The following RABL3 variants were observed in gnomAD, a reference collection of about 807,000 sequenced individuals.
The protein encoded by RABL3 is rab-like protein 3.
In RABL3, 31 loss-of-function variants were observed where a neutral mutation model predicts 31.8. The ratio of observed to expected loss-of-function variants is 0.97; its 90% CI spans 0.73 to 1.31. RABL3 has a LOEUF of 1.31. RABL3 is among the 40% of genes most tolerant of loss of function. The pLI is 0.00. For missense variants in RABL3, 263 were observed against 279.6 expected (o/e 0.94, Z 0.42); for synonymous variants, 97 against 99.9 (o/e 0.97, Z 0.18).
intron 5 of RABL3, 28 bp downstream of exon 5, chr3:120,698,395 A>G: frequency 6.3e-7 from 1 of 1,587,632 alleles, no homozygotes; most frequent in Non-Finnish European, 8.6e-7. Context: ...CGATAATAAT[A>G]CAAGCATGCA....
Position 120,721,396 on chromosome 3 carries a change from T to G in RABL3, c.138+9300A>C, listed in dbSNP as rs530957954. 7.2e-5 allele frequency among the ~76,000 whole-genome samples: 11 copies of G among 151,900 alleles called. No homozygotes were observed. In the South Asian group the frequency reaches 2.3e-3, roughly 32 times the overall value. On this transcript the variant is annotated intron_variant, in intron 2 of 7. Transcript: ENST00000273375. ...AATTAAAAGACACAGACTGGCAAAT[T>G]GTCAAGACCCATCAGTGTGCTGTAT... is the stretch of plus-strand genomic sequence containing the variant.
At chr3:120,742,430 C>T (rs781259451) in intron 1 of RABL3, 32 bp downstream of exon 1, 2 of 1,610,006 alleles carry the variant, frequency 1.2e-6, no homozygotes, top group African/African-American at 1.3e-5. Context: ...TCAAAAGTGT[C>T]TGGAGCCCCA....
intron 1 of RABL3, among the ~76,000 whole-genome samples, chr3:120,738,088 T>C (rs565360477): frequency 1.3e-5 from 2 of 152,334 alleles, no homozygotes; most frequent in East Asian, 3.9e-4. Context: ...TTTCAGGCTA[T>C]GCCCTGCCCT....
In RABL3 at chr3:120,685,653, G is replaced by A. The variant is rs1395123901; in HGVS notation, c.*4170C>T. ...GCTTTGAGTGGGGAGGAGTGGATCA[G>A]TTCATTAAGGTGAGATCAGGTTGAG... On this transcript the variant is annotated 3_prime_UTR_variant, in exon 8 of 8. Transcript: ENST00000273375. Among the ~76,000 whole-genome samples, 1 of 152,206 alleles carries A rather than the reference G, an allele frequency of 6.6e-6. No homozygotes were observed. Among genetic ancestry groups the A allele is most frequent in the Non-Finnish European group, 1.5e-5 (1 of 68,034 alleles).
At position 120,685,050 on chromosome 3, in the gene RABL3, A is replaced by C. The variant is rs754271803; in HGVS notation, c.*4773T>G. ...TAGTGTAAGTGCTCTGACAGGAAAG[A>C]GCCCAGGGATCTAGGGGAAGCACTA... is the stretch of plus-strand genomic sequence containing the variant. On this transcript the variant is annotated 3_prime_UTR_variant, in exon 8 of 8. Coordinates refer to ENST00000273375, the MANE Select transcript of RABL3 (RefSeq NM_173825.5). 2.0e-5 allele frequency among the ~76,000 whole-genome samples: 3 copies of C among 152,252 alleles called. No homozygotes were observed. The highest frequency in any genetic ancestry group is 4.4e-5 in the Non-Finnish European group (3 of 68,044).
chr3:120,718,128 G>A (rs1457513274), intron 2 of RABL3, among the ~76,000 whole-genome samples: 3 of 151,878 alleles, frequency 2.0e-5, no homozygotes, highest in Admixed American at 1.3e-4. Context: ...CTTTTCTCCT[G>A]GAATCTTACT....
At position 120,706,083 on chromosome 3, in the gene RABL3, C is replaced by T; in HGVS notation, c.300G>A (p.Lys100=). 2 of 1,613,174 alleles carry T rather than the reference C, an allele frequency of 1.2e-6. No individual in the cohort carries two copies. The highest frequency in any genetic ancestry group is 1.3e-5 in the African/African-American group (1 of 75,040). The change falls in exon 4 of 8, where the codon AAG becomes AAA. Residue 100 remains lysine, a synonymous_variant. Transcript: ENST00000273375. ...AACGACGCAAGTTTTGGGAGGACTT[C>T]TTATTTGTTAAGTCGTGTACGAAAA... ...GIIFVHDLTN[K]KSSQNLRRWS...
chr3:120,688,026 A>AT lies in RABL3; in HGVS notation c.*1796dup, dbSNP rs1481826112. On this transcript the variant is annotated 3_prime_UTR_variant, in exon 8 of 8. Transcript: ENST00000273375. ...TGGCCAGGCTGGTCTCAAACTCCTG[A>AT]TATCAAGTGATCGACCCGCCTCCCA... 1.3e-5 allele frequency: 2 copies of AT among 152,064 alleles called. No individual in the cohort carries two copies. Among genetic ancestry groups the AT allele is most frequent in the Non-Finnish European group, 2.9e-5 (2 of 68,024 alleles). 9.4% of individuals were successfully genotyped at this position (152,064 alleles called of 1,614,324 possible). A position where few individuals can be genotyped will look rare whatever the true frequency, so the allele number is the denominator to read the frequency against.
intron 1 of RABL3, among the ~76,000 whole-genome samples, chr3:120,733,412 T>C (rs1708912708): frequency 6.6e-6 from 1 of 151,962 alleles, no homozygotes; most frequent in Admixed American, 6.6e-5. Context: ...ATGGGGTTGT[T>C]TTTTTCTTGT....
Position 120,721,173 on chromosome 3 carries a change from T to C in RABL3, c.138+9523A>G, listed in dbSNP as rs557444280. Among the ~76,000 whole-genome samples the C allele has an allele frequency of 6.8e-4, 103 of 150,552 alleles. 2 individuals are homozygous for C. In the South Asian group the frequency reaches 0.02, roughly 30 times the overall value. On this transcript the variant is annotated intron_variant, in intron 2 of 7. Coordinates refer to ENST00000273375, the MANE Select transcript of RABL3 (RefSeq NM_173825.5). ...CACCACCAGGCCTGCCCTAAAAGAG[T>C]TCCTGAAGGAAGCACTAAATATGGA...
At chr3:120,691,567 G>A (rs150789001) in intron 6 of RABL3, among the ~76,000 whole-genome samples, 4 of 152,300 alleles carry the variant, frequency 2.6e-5, no homozygotes, top group African/African-American at 9.6e-5. Context: ...TTTAAGGAAG[G>A]CTAGGCTAAG....
At chr3:120,738,972 C>G (rs973691976) in intron 1 of RABL3, among the ~76,000 whole-genome samples, 3 of 152,270 alleles carry the variant, frequency 2.0e-5, no homozygotes, top group Non-Finnish European at 4.4e-5. Context: ...TGAGAAATAA[C>G]TTTCATGGGG....
chr3:120,714,046 G>A (rs1013344398), intron 2 of RABL3, among the ~76,000 whole-genome samples: 1 of 152,156 alleles, frequency 6.6e-6, no homozygotes, highest in Non-Finnish European at 1.5e-5. Flanking sequence ...TCCTGACCTT[G>A]TGATCCGCCT....
At chr3:120,710,154 C>A (rs1468700134) in intron 2 of RABL3, among the ~76,000 whole-genome samples, 4 of 152,008 alleles carry the variant, frequency 2.6e-5, no homozygotes, top group Non-Finnish European at 2.9e-5. Flanking sequence ...CCTAACTAAG[C>A]ATAAATTTCA....
At chr3:120,736,503 C>G (rs966624802) in intron 1 of RABL3, among the ~76,000 whole-genome samples, 8 of 152,168 alleles carry the variant, frequency 5.3e-5, no homozygotes, top group African/African-American at 1.9e-4. Flanking sequence ...GCCAGTCTGT[C>G]TTTTAATTGG....
intron 2 of RABL3, among the ~76,000 whole-genome samples, chr3:120,725,067 T>A (rs1708800752): frequency 6.7e-6 from 1 of 149,724 alleles, no homozygotes; most frequent in Non-Finnish European, 1.5e-5. Context: ...AAAGGGCTAA[T>A]ATCCAGAATC....
chr3:120,706,897 T>A lies in RABL3; in HGVS notation c.269-783A>T, dbSNP rs539052305. The stretch of plus-strand genomic sequence containing the variant: ...GCCCAGAAATACACTAAAATACAAC[T>A]GAAGAGAATCAATTAAAATCCTAGA... On this transcript the variant is annotated intron_variant, in intron 3 of 7. Transcript: ENST00000273375. Among the ~76,000 whole-genome samples, 11 of 152,098 alleles carry A rather than the reference T, an allele frequency of 7.2e-5. No individual in the cohort carries two copies. The East Asian group carries it at 2.1e-3, about 29-fold the overall frequency.
At chr3:120,728,234 C>T (rs1708844714) in intron 2 of RABL3, among the ~76,000 whole-genome samples, 1 of 152,156 alleles carries the variant, frequency 6.6e-6, no homozygotes. Flanking sequence ...TTGTAAAGGA[C>T]TAGACCATAA....
chr3:120,727,850 A>T (rs1244599650), intron 2 of RABL3, among the ~76,000 whole-genome samples: 4 of 152,244 alleles, frequency 2.6e-5, no homozygotes, highest in South Asian at 2.1e-4. Context: ...AATCATGATT[A>T]TCATGAAGAG....
Sources: allele counts gnomAD v4.1 joint callset (sites outside exome capture counted in the v4.1 genomes callset), GRCh38; gene constraint gnomAD v4.1.1; transcripts MANE v1.5; gene names NCBI Gene and HGNC (gene_info 2026-07-23, HGNC 2026-07-21).